PIP5K1B: variants seen among roughly 807,000 people sequenced by gnomAD.
PIP5K1B encodes phosphatidylinositol-4-phosphate 5-kinase type 1 beta.
In PIP5K1B, 42 loss-of-function variants were observed where a neutral mutation model predicts 67.0. The observed-to-expected ratio is 0.63, with a 90% CI of 0.49 to 0.81. The LOEUF (loss-of-function observed/expected upper bound fraction) is 0.81. PIP5K1B is among the 30% of genes least tolerant of loss of function. The probability of loss-of-function intolerance (pLI) is 0.00; values close to 1 mark genes in which losing one functional copy is unlikely to be tolerated. For synonymous variants in PIP5K1B, 214 were observed against 231.4 expected (o/e 0.92, Z 0.68); for missense variants, 459 against 646.3 (o/e 0.71, Z 3.14).
chr9:68,926,884 A>G (rs1826732976), intron 12 of PIP5K1B, among the ~76,000 whole-genome samples: 2 of 152,110 alleles, frequency 1.3e-5, no homozygotes. Flanking sequence ...TTCTAATTTT[A>G]GAACATTTTC....
rs2133064380 is a variant in PIP5K1B at position 69,008,830 on chromosome 9, TATATTTTTAAAAATCCATCCACAC to T, written c.*383_*406del. Reference sequence around the variant, plus strand: ...ATAAGCAACATATGTAATCTGCTTATATATTTTTAAAAATCCATCCACACACATGGTAAATTAAGTATAAATTCT... The same window carrying T: ...ATAAGCAACATATGTAATCTGCTTATACATGGTAAATTAAGTATAAATTCT... On this transcript the variant is annotated 3_prime_UTR_variant, in exon 16 of 16. Transcript: ENST00000265382. 1 of 173,588 alleles carries T rather than the reference TATATTTTTAAAAATCCATCCACAC, an allele frequency of 5.8e-6. No individual in the cohort carries two copies. The highest frequency in any genetic ancestry group is 1.6e-4 in the South Asian group (1 of 6,100). 10.8% of individuals were successfully genotyped at this position (173,588 alleles called of 1,614,324 possible).
intron 2 of PIP5K1B, among the ~76,000 whole-genome samples, chr9:68,778,483 C>A (rs1295663616): frequency 6.6e-6 from 1 of 152,226 alleles, no homozygotes; most frequent in Non-Finnish European, 1.5e-5. Context: ...TTCGAATAAT[C>A]TATTTCTTTC....
chr9:68,993,352 C>A (rs1355390350), intron 15 of PIP5K1B, among the ~76,000 whole-genome samples: 1 of 152,160 alleles, frequency 6.6e-6, no homozygotes, highest in Non-Finnish European at 1.5e-5. Context: ...TCTGTGTATT[C>A]TTTTCCACCT....
chr9:68,765,640 T>C (rs893594422), intron 2 of PIP5K1B, among the ~76,000 whole-genome samples: 1 of 152,172 alleles, frequency 6.6e-6, no homozygotes, highest in African/African-American at 2.4e-5. Context: ...GAGATACTAA[T>C]AGATTAGAGA....
chr9:69,005,074 G>A (rs1403724874), intron 15 of PIP5K1B, among the ~76,000 whole-genome samples: 1 of 151,692 alleles, frequency 6.6e-6, no homozygotes, highest in Non-Finnish European at 1.5e-5. Flanking sequence ...GTGAGAGTGA[G>A]TGTTTATAGG....
At chr9:68,782,927 TTC>T (rs1831382090) in intron 2 of PIP5K1B, 1 of 167,116 alleles carries the variant, frequency 6.0e-6, no homozygotes, top group Non-Finnish European at 1.5e-5. Context: ...ACTTTTCCTT[TTC>T]TCTGTTGGAT....
intron 2 of PIP5K1B, among the ~76,000 whole-genome samples, chr9:68,814,635 G>A (rs1833340306): frequency 6.6e-6 from 1 of 152,072 alleles, no homozygotes; most frequent in African/African-American, 2.4e-5. Context: ...GGGCAACATA[G>A]TGTGAGACCC....
At position 68,711,099 on chromosome 9, in the gene PIP5K1B, A is replaced by G. The variant is rs145416103; in HGVS notation, c.-243+5337A>G. Among the ~76,000 whole-genome samples, 974 of 152,278 alleles carry G rather than the reference A, an allele frequency of 6.4e-3. 9 individuals carry two copies. Among genetic ancestry groups the G allele is most frequent in the African/African-American group, 0.022 (917 of 41,550 alleles). On this transcript the variant is annotated intron_variant, in intron 1 of 15. Coordinates refer to ENST00000265382, the MANE Select transcript of PIP5K1B (RefSeq NM_003558.4). ...CATTCAGTTTGTAAGAGAAAAGGTG[A>G]TATTTAAGCCTTCACCATTCAGTCA...
At chr9:68,943,733 A>G (rs1458105110) in intron 14 of PIP5K1B, among the ~76,000 whole-genome samples, 5 of 152,194 alleles carry the variant, frequency 3.3e-5, no homozygotes, top group Non-Finnish European at 7.3e-5. Context: ...TTTTCTCTTT[A>G]TGAATCATTT....
At chr9:68,737,308 G>A (rs1226112466) in intron 1 of PIP5K1B, among the ~76,000 whole-genome samples, 4 of 152,160 alleles carry the variant, frequency 2.6e-5, no homozygotes, top group Non-Finnish European at 5.9e-5. Context: ...TATGTCATTT[G>A]TATTTTGAGA....
At chr9:68,812,079 G>A (rs540495514) in intron 2 of PIP5K1B, among the ~76,000 whole-genome samples, 8 of 152,300 alleles carry the variant, frequency 5.3e-5, no homozygotes, top group Admixed American at 2.0e-4. Context: ...TGGTTGCTAG[G>A]TTCATTCACC....
chr9:68,808,894 T>G (rs1833013399), intron 2 of PIP5K1B, among the ~76,000 whole-genome samples: 1 of 152,202 alleles, frequency 6.6e-6, no homozygotes, highest in Admixed American at 6.5e-5. Flanking sequence ...ATACATGAAG[T>G]GAAACCTCAT....
At chr9:68,949,868 G>A (rs761506894) in intron 14 of PIP5K1B, among the ~76,000 whole-genome samples, 3 of 152,152 alleles carry the variant, frequency 2.0e-5, no homozygotes, top group Non-Finnish European at 4.4e-5. Context: ...GTCAGAGCTC[G>A]GCGTTTGCCT....
chr9:68,909,255 A>G (rs1825749350), intron 8 of PIP5K1B, among the ~76,000 whole-genome samples: 1 of 152,088 alleles, frequency 6.6e-6, no homozygotes, highest in Non-Finnish European at 1.5e-5. Flanking sequence ...TCTGTGCTCT[A>G]TTTTTAACTC....
At chr9:68,747,699 T>G (rs1829390582) in intron 2 of PIP5K1B, among the ~76,000 whole-genome samples, 1 of 152,156 alleles carries the variant, frequency 6.6e-6, no homozygotes, top group Non-Finnish European at 1.5e-5. Context: ...AATTGTAGAT[T>G]TGCTGTTTTT....
chr9:68,926,943 C>T (rs776101157), intron 12 of PIP5K1B, among the ~76,000 whole-genome samples: 14 of 152,260 alleles, frequency 9.2e-5, no homozygotes, highest in African/African-American at 3.1e-4. Flanking sequence ...CTCCCCATTC[C>T]GTCCTCTTCC....
intron 1 of PIP5K1B, among the ~76,000 whole-genome samples, chr9:68,724,238 T>G (rs201405653): frequency 3.0e-3 from 41 of 13,464 alleles, no homozygotes; most frequent in African/African-American, 0.027. Context: ...TTTTTTTGGG[T>G]TTTTTTTTTT....
At chr9:68,752,815 G>A (rs1422694125) in intron 2 of PIP5K1B, among the ~76,000 whole-genome samples, 2 of 152,240 alleles carry the variant, frequency 1.3e-5, no homozygotes, top group Middle Eastern at 3.4e-3. Flanking sequence ...CTCTCTTTCT[G>A]CCATATGGTG....
intron 2 of PIP5K1B, chr9:68,788,238 C>A: frequency 2.4e-6 from 1 of 418,802 alleles, no homozygotes; most frequent in East Asian, 6.6e-5. Context: ...AGGAGACAGG[C>A]CGATACTTTT....
Sources: allele counts gnomAD v4.1 joint callset (sites outside exome capture counted in the v4.1 genomes callset), GRCh38; gene constraint gnomAD v4.1.1; transcripts MANE v1.5; gene names NCBI Gene and HGNC (gene_info 2026-07-23, HGNC 2026-07-21).